P2RY8: variants seen among roughly 807,000 people sequenced by gnomAD.
P2RY8 encodes the protein S-geranylgeranyl-glutathione receptor P2RY8.
P2RY8 carries 6 observed loss-of-function variants against 10.0 expected under a neutral mutation model. The ratio of observed to expected loss-of-function variants is 0.60; its 90% CI spans 0.33 to 1.19. The LOEUF (loss-of-function observed/expected upper bound fraction) is 1.19, where lower values mean the gene tolerates loss of function less well. P2RY8 is among the 50% of genes most tolerant of loss of function. The probability of loss-of-function intolerance (pLI) is 0.04; values close to 1 mark genes in which losing one functional copy is unlikely to be tolerated. For synonymous variants in P2RY8, 276 were observed against 252.5 expected, an observed-to-expected ratio of 1.09 and a Z score of -0.88; for missense variants, 456 against 542.0, an observed-to-expected ratio of 0.84 and a Z score of 1.58.
At chrX:1,534,729 A>C (rs1471868671) in intron 1 of P2RY8, among the ~76,000 whole-genome samples, 1 of 152,066 alleles carries the variant, frequency 6.6e-6, no homozygotes, top group Non-Finnish European at 1.5e-5. Flanking sequence ...CTGCCCGGGG[A>C]AAGGGCCTCT....
intron 1 of P2RY8, among the ~76,000 whole-genome samples, chrX:1,494,584 G>T (rs1217953528): frequency 6.6e-6 from 1 of 152,112 alleles, no homozygotes; most frequent in African/African-American, 2.4e-5. Context: ...CATTGCCTCA[G>T]AAGGGTTAGT....
At chrX:1,535,254 C>A in intron 1 of P2RY8, among the ~76,000 whole-genome samples, 1 of 133,568 alleles carries the variant, frequency 7.5e-6, no homozygotes, top group Non-Finnish European at 1.5e-5. Context: ...GTGGCGCGAT[C>A]TTGGCTCACC....
intron 1 of P2RY8, among the ~76,000 whole-genome samples, chrX:1,516,294 A>AC (rs202046130): frequency 9.7e-6 from 1 of 102,742 alleles, no homozygotes; most frequent in African/African-American, 3.4e-5. Flanking sequence ...TCCCTTCTTC[A>AC]CCCCTCTCCC....
intron 1 of P2RY8, among the ~76,000 whole-genome samples, chrX:1,516,319 A>G (rs1415980241): frequency 6.6e-6 from 1 of 151,952 alleles, no homozygotes; most frequent in Non-Finnish European, 1.5e-5. Flanking sequence ...ATATAAGCAC[A>G]GAGAACAACC....
At chrX:1,502,653 G>A (rs1311782464) in intron 1 of P2RY8, among the ~76,000 whole-genome samples, 1 of 152,196 alleles carries the variant, frequency 6.6e-6, no homozygotes, top group Non-Finnish European at 1.5e-5. Context: ...TGGGGAGGGG[G>A]TTTCATTTGG....
At chrX:1,472,373 T>A (rs1385239493) in intron 1 of P2RY8, among the ~76,000 whole-genome samples, 9 of 147,064 alleles carry the variant, frequency 6.1e-5, no homozygotes, top group Non-Finnish European at 1.2e-4. Context: ...AATGGATGGA[T>A]GGGTGGGTGG....
At chrX:1,535,939 C>T (rs1229485112) in intron 1 of P2RY8, among the ~76,000 whole-genome samples, 1 of 152,052 alleles carries the variant, frequency 6.6e-6, no homozygotes, top group Non-Finnish European at 1.5e-5. Context: ...CTAAGCGGAC[C>T]TGTACAAATG....
intron 1 of P2RY8, among the ~76,000 whole-genome samples, chrX:1,531,064 G>GTCTA (rs1460780008): frequency 5.3e-4 from 46 of 87,094 alleles, no homozygotes; most frequent in South Asian, 9.8e-4. Context: ...CTGTCTGTCT[G>GTCTA]TCTGTCTATC....
At chrX:1,514,671 C>CT (rs2092327259) in intron 1 of P2RY8, among the ~76,000 whole-genome samples, 1 of 808 alleles carries the variant, frequency 1.2e-3, no homozygotes, top group African/African-American at 1.4e-3. Flanking sequence ...CTTCCCTTCC[C>CT]TTCCTTTCCC....
At chrX:1,531,973 G>C (rs112230619) in intron 1 of P2RY8, among the ~76,000 whole-genome samples, 10,921 of 152,148 alleles carry the variant, frequency 0.072, 533 homozygotes, top group Non-Finnish European at 0.11. Flanking sequence ...ACGTAAACTA[G>C]TACAGCCACT....
At chrX:1,513,207 T>C (rs4933084) in intron 1 of P2RY8, among the ~76,000 whole-genome samples, 60,888 of 151,698 alleles carry the variant, frequency 0.4, 13,433 homozygotes, top group East Asian at 0.86. Context: ...ACTCATCCTT[T>C]TTTATGACTG....
intron 1 of P2RY8, among the ~76,000 whole-genome samples, chrX:1,530,573 G>GATCT (rs200309230): frequency 0.071 from 10,675 of 149,596 alleles, 516 homozygotes; most frequent in Non-Finnish European, 0.1. Context: ...CTATCTGATT[G>GATCT]ATCTATCTCT....
intron 1 of P2RY8, among the ~76,000 whole-genome samples, chrX:1,519,952 A>C (rs1444926189): frequency 3.3e-5 from 5 of 150,662 alleles, no homozygotes; most frequent in Admixed American, 1.3e-4. Flanking sequence ...GGTCCCCAAT[A>C]ATCTCTCTGG....
chrX:1,501,192 C>T (rs182885486), intron 1 of P2RY8, among the ~76,000 whole-genome samples: 26 of 152,320 alleles, frequency 1.7e-4, no homozygotes, highest in African/African-American at 6.3e-4. Context: ...GTGGCTGTGT[C>T]TTCTCAGATA....
At chrX:1,522,926 G>C (rs1239887604) in intron 1 of P2RY8, among the ~76,000 whole-genome samples, 1 of 151,432 alleles carries the variant, frequency 6.6e-6, no homozygotes, top group Non-Finnish European at 1.5e-5. Context: ...AACATTAGCT[G>C]GGCATGGTGC....
rs1482765414 is a variant in P2RY8 at position 1,537,100 on chromosome X, GC to G, written c.-205del. ...AGGTGTTCGTGGGCGGCAGACGGCT[GC>G]CCTTCCAGTTCCATCTGTCCAGCAA... On this transcript the variant is annotated 5_prime_UTR_variant, in exon 1 of 2. An upstream open reading frame in the 5' UTR loses its in-frame stop. Transcript: ENST00000381297. 3 of 232,588 alleles carry G rather than the reference GC, an allele frequency of 1.3e-5. No homozygotes were observed. Among genetic ancestry groups the G allele is most frequent in the Non-Finnish European group, 2.5e-5 (3 of 117,718 alleles). 14.4% of individuals were successfully genotyped at this position (232,588 alleles called of 1,614,324 possible).
chrX:1,513,117 C>T (rs368794063), intron 1 of P2RY8, among the ~76,000 whole-genome samples: 9 of 149,644 alleles, frequency 6.0e-5, no homozygotes, highest in East Asian at 4.0e-4. Flanking sequence ...TGAGAACATG[C>T]GGCATTTCAT....
At chrX:1,508,258 G>A (rs1229163116) in intron 1 of P2RY8, among the ~76,000 whole-genome samples, 4 of 152,194 alleles carry the variant, frequency 2.6e-5, no homozygotes, top group Non-Finnish European at 5.9e-5. Flanking sequence ...CAGGCTGAGT[G>A]TTGATCAAAG....
chrX:1,505,137 C>CAAAAAAA (rs1175803425), intron 1 of P2RY8, among the ~76,000 whole-genome samples: 33,737 of 97,298 alleles, frequency 0.35, 5,874 homozygotes, highest in Non-Finnish European at 0.41. Context: ...GACTCTGTCT[C>CAAAAAAA]AAAAAAAAAA....
Sources: gnomAD v4.1 joint callset for allele counts (sites outside exome capture counted in the v4.1 genomes callset) on GRCh38, gnomAD v4.1.1 for gene constraint, MANE v1.5 for transcripts, NCBI Gene and HGNC (gene_info 2026-07-23, HGNC 2026-07-21) for gene names.